The following UBE3A variants were observed in gnomAD, a reference collection of about 807,000 sequenced individuals.
UBE3A encodes ubiquitin protein ligase E3A, also known as ubiquitin-protein ligase E3A.
A neutral mutation model predicts 83.4 loss-of-function variants in UBE3A; 6 were observed. The ratio of observed to expected loss-of-function variants is 0.07; its 90% CI spans 0.04 to 0.14. The LOEUF is 0.14. Among genes scored for constraint, UBE3A ranks in the 10% least tolerant of loss-of-function variants. The probability of loss-of-function intolerance (pLI) is 1.00; values close to 1 mark genes in which losing one functional copy is unlikely to be tolerated. For synonymous variants in UBE3A, 337 were observed against 355.4 expected, an observed-to-expected ratio of 0.95 and a Z score of 0.58; for missense variants, 456 against 1,036.1, an observed-to-expected ratio of 0.44 and a Z score of 7.69.
intron 6 of UBE3A, among the ~76,000 whole-genome samples, chr15:25,360,733 C>CA (rs1454942356): frequency 6.6e-6 from 1 of 152,124 alleles, no homozygotes; most frequent in African/African-American, 2.4e-5. Context: ...ACAAAACAGA[C>CA]ACTAGCATAG....
At chr15:25,426,816 G>A (rs1284087556) in intron 1 of UBE3A, among the ~76,000 whole-genome samples, 1 of 151,258 alleles carries the variant, frequency 6.6e-6, no homozygotes, top group Non-Finnish European at 1.5e-5. Flanking sequence ...ATTTCAATGT[G>A]GCTGGTTATA....
chr15:25,424,509 T>G (rs921290545), intron 1 of UBE3A, among the ~76,000 whole-genome samples: 5 of 152,146 alleles, frequency 3.3e-5, no homozygotes, highest in African/African-American at 1.2e-4. Context: ...TTAAGTGCCA[T>G]GAAAGCAAAG....
intron 4 of UBE3A, among the ~76,000 whole-genome samples, chr15:25,398,786 T>C (rs12593243): frequency 5.3e-5 from 2 of 37,768 alleles, no homozygotes; most frequent in African/African-American, 1.9e-4. Flanking sequence ...TATATATATA[T>C]ATATATATAT....
At chr15:25,375,788 GCA>G (rs1451305358) in intron 4 of UBE3A, 25 bp from the exon 5 acceptor site, 3 of 1,604,064 alleles carry the variant, frequency 1.9e-6, no homozygotes, top group East Asian at 4.5e-5. Flanking sequence ...CAAACAATAA[GCA>G]CAGTGATTAG....
chr15:25,337,041 T>G lies in UBE3A; in HGVS notation c.*2096A>C, dbSNP rs2073996711. On this transcript the variant is annotated 3_prime_UTR_variant, in exon 13 of 13. Transcript: ENST00000648336. ...TAATTAAGCAAGCTAGAGCAGCTAT[T>G]CTGTGCAACCGACGATTTTTTTTCT... The G allele has an allele frequency of 6.6e-6, 1 of 152,152 alleles. No individual in the cohort carries two copies. Among genetic ancestry groups the G allele is most frequent in the African/African-American group, 2.4e-5 (1 of 41,426 alleles). 9.4% of individuals were successfully genotyped at this position (152,152 alleles called of 1,614,324 possible). A position where few individuals can be genotyped will look rare whatever the true frequency, so the allele number is the denominator to read the frequency against.
At chr15:25,356,382 C>A (rs115552177) in intron 8 of UBE3A, among the ~76,000 whole-genome samples, 1 of 152,112 alleles carries the variant, frequency 6.6e-6, no homozygotes, top group Admixed American at 6.5e-5. Flanking sequence ...TACCAAGACC[C>A]TTAGCCAGGG....
chr15:25,356,021 A>G lies in UBE3A; in HGVS notation c.1995T>C (p.Tyr665=), dbSNP rs2077171033. 1.2e-6 allele frequency: 2 copies of G among 1,613,818 alleles called. No individual in the cohort carries two copies. The highest frequency in any genetic ancestry group is 1.7e-6 in the Non-Finnish European group (2 of 1,179,862). ...TCATGTCATCTTCCACATTCCCTTC[A>G]TACTCCAATAAATCTTTTAAACTCT... ...LYQSLKDLLE[Y]EGNVEDDMMI... Residue 665 remains tyrosine (Y), a synonymous_variant, in exon 9 of 13, where the codon TAT becomes TAC. Coordinates refer to ENST00000648336, the MANE Select transcript of UBE3A (RefSeq NM_130839.5).
intron 8 of UBE3A, among the ~76,000 whole-genome samples, 188 bp downstream of exon 8, chr15:25,356,503 T>C (rs919379400): frequency 6.6e-6 from 1 of 152,216 alleles, no homozygotes; most frequent in African/African-American, 2.4e-5. Context: ...GACAGCAATA[T>C]ATAAAAATGT....
At chr15:25,434,070 T>C (rs1299088586) in intron 1 of UBE3A, among the ~76,000 whole-genome samples, 1 of 151,718 alleles carries the variant, frequency 6.6e-6, no homozygotes, top group Non-Finnish European at 1.5e-5. Context: ...TCTAAACAAA[T>C]AAACAATAAG....
chr15:25,407,657 G>A (rs2088960134), intron 3 of UBE3A: 1 of 152,164 alleles, frequency 6.6e-6, no homozygotes. Flanking sequence ...GACAAGCTAA[G>A]TAATTTAAAC....
At chr15:25,356,149 T>C in intron 8 of UBE3A, 93 bp from the exon 9 acceptor site, 1 of 1,479,342 alleles carries the variant, frequency 6.8e-7, no homozygotes, top group South Asian at 1.1e-5. Flanking sequence ...AACAAAAATC[T>C]TATCAATAAA....
In UBE3A at chr15:25,439,004, G is replaced by C. The variant is rs1406397377; in HGVS notation, c.-680C>G. 1.3e-5 allele frequency: 2 copies of C among 152,062 alleles called. No individual in the cohort carries two copies. The highest frequency in any genetic ancestry group is 2.9e-5 in the Non-Finnish European group (2 of 68,028). The allele number at this position is 152,062 out of a possible 1,614,324, so 9.4% of individuals were successfully genotyped here. Reference sequence around the variant, plus strand: ...TGGGAGACACACGGATCTCGCGGCCGCGGCGCAAGACGGGAGGACTGGCTG... The same window carrying C: ...TGGGAGACACACGGATCTCGCGGCCCCGGCGCAAGACGGGAGGACTGGCTG... On this transcript the variant is annotated 5_prime_UTR_variant, in exon 1 of 13. Transcript: ENST00000648336.
Position 25,384,186 on chromosome 15 carries a change from G to A in UBE3A, c.63-8423C>T, listed in dbSNP as rs545600765. On this transcript the variant is annotated intron_variant, in intron 4 of 12. Coordinates refer to ENST00000648336, the MANE Select transcript of UBE3A (RefSeq NM_130839.5). ...GAAAATTAAACAACATAGGCCGGAC[G>A]TGGTGGCTCACGCCTGTAACCCCAG... 5.3e-5 allele frequency among the ~76,000 whole-genome samples: 8 copies of A among 152,126 alleles called. No individual in the cohort carries two copies. The South Asian group carries it at 1.5e-3, about 28-fold the overall frequency.
intron 11 of UBE3A, among the ~76,000 whole-genome samples, chr15:25,348,837 T>C (rs960876696): frequency 2.0e-5 from 3 of 152,366 alleles, no homozygotes; most frequent in Middle Eastern, 3.4e-3. Context: ...AGACGTACGG[T>C]GTTCAAGGAT....
In UBE3A at chr15:25,337,992, T is replaced by C. The variant is rs1034582883; in HGVS notation, c.*1145A>G. 8 of 151,804 alleles carry C rather than the reference T, an allele frequency of 5.3e-5. No individual in the cohort carries two copies. The highest frequency in any genetic ancestry group is 1.5e-4 in the African/African-American group (6 of 41,136). 9.4% of individuals were successfully genotyped at this position (151,804 alleles called of 1,614,324 possible). A position where few individuals can be genotyped will look rare whatever the true frequency, so the allele number is the denominator to read the frequency against. On this transcript the variant is annotated 3_prime_UTR_variant, in exon 13 of 13. Coordinates refer to ENST00000648336, the MANE Select transcript of UBE3A (RefSeq NM_130839.5). ...TATACAATGTAATTCTTAGGAGTAA[T>C]AGTTTCATTCATTTCCAGGTCAGCT...
At chr15:25,432,099 T>G (rs1221069027) in intron 1 of UBE3A, among the ~76,000 whole-genome samples, 3 of 152,236 alleles carry the variant, frequency 2.0e-5, no homozygotes, top group Admixed American at 6.5e-5. Context: ...AAGAAATTCC[T>G]GTACTGTTAC....
chr15:25,340,305 A>C, intron 11 of UBE3A, 77 bp from the exon 12 acceptor site: 1 of 1,495,962 alleles, frequency 6.7e-7, no homozygotes. Flanking sequence ...TATGATTTGC[A>C]TTAAAACTAT....
At chr15:25,366,202 A>G (rs2079075988) in intron 6 of UBE3A, among the ~76,000 whole-genome samples, 1 of 152,232 alleles carries the variant, frequency 6.6e-6, no homozygotes, top group Non-Finnish European at 1.5e-5. Flanking sequence ...AATTAGAATA[A>G]ATCACAAGAA....
At chr15:25,357,498 A>G (rs1305419120) in intron 7 of UBE3A, 1 of 152,326 alleles carries the variant, frequency 6.6e-6, no homozygotes, top group Non-Finnish European at 1.5e-5. Context: ...ACAGGTGTGC[A>G]CCACCACGCC....
Sources: allele counts gnomAD v4.1 joint callset (sites outside exome capture counted in the v4.1 genomes callset), GRCh38; gene constraint gnomAD v4.1.1; transcripts MANE v1.5; gene names NCBI Gene and HGNC (gene_info 2026-07-23, HGNC 2026-07-21).